The following DLGAP1 variants were observed in gnomAD, a reference collection of about 807,000 sequenced individuals.
DLGAP1 encodes the protein disks large-associated protein 1.
In DLGAP1, 11 loss-of-function variants were observed where a neutral mutation model predicts 90.8. The observed-to-expected ratio is 0.12, with a 90% CI of 0.08 to 0.20. The LOEUF is 0.20. Among genes scored for constraint, DLGAP1 ranks in the 10% least tolerant of loss-of-function variants. The probability of loss-of-function intolerance (pLI) is 1.00; values close to 1 mark genes in which losing one functional copy is unlikely to be tolerated. For missense variants in DLGAP1, 1,050 were observed against 1,333.8 expected, an observed-to-expected ratio of 0.79 and a Z score of 3.31; for synonymous variants, 558 against 540.7, an observed-to-expected ratio of 1.03 and a Z score of -0.44.
chr18:3,990,628 T>TATAATAATAATAATA (rs77930009), intron 3 of DLGAP1, among the ~76,000 whole-genome samples: 5 of 143,262 alleles, frequency 3.5e-5, no homozygotes, highest in African/African-American at 5.1e-5. Flanking sequence ...AAACTTAAAA[T>TATAATAATAATAATA]ATAATAATAA....
At chr18:4,372,846 T>C (rs541314423) in intron 1 of DLGAP1, among the ~76,000 whole-genome samples, 3 of 151,736 alleles carry the variant, frequency 2.0e-5, no homozygotes, top group Admixed American at 2.0e-4. Context: ...GAGAATCACT[T>C]GAACCCAGGA....
chr18:4,152,564 G>A (rs925571058), intron 1 of DLGAP1, among the ~76,000 whole-genome samples: 6 of 152,108 alleles, frequency 3.9e-5, no homozygotes, highest in Non-Finnish European at 7.3e-5. Context: ...AAAAGTTCAG[G>A]GCTAGTACAA....
intron 2 of DLGAP1, among the ~76,000 whole-genome samples, chr18:4,050,093 A>G (rs1441162503): frequency 6.6e-6 from 1 of 152,240 alleles, no homozygotes; most frequent in Non-Finnish European, 1.5e-5. Context: ...AAGTTAAAGA[A>G]ACATTTACAA....
intron 3 of DLGAP1, among the ~76,000 whole-genome samples, chr18:3,920,065 G>A (rs758820736): frequency 5.3e-5 from 8 of 152,078 alleles, no homozygotes; most frequent in Non-Finnish European, 7.4e-5. Context: ...CACTGGGCCC[G>A]GACACAGTGG....
intron 5 of DLGAP1, among the ~76,000 whole-genome samples, chr18:3,805,722 T>C (rs2066530543): frequency 6.6e-6 from 1 of 152,232 alleles, no homozygotes; most frequent in Non-Finnish European, 1.5e-5. Flanking sequence ...TTAGACTCTT[T>C]AGGCTGTAAA....
chr18:3,641,537 C>CAAA (rs576340963), intron 7 of DLGAP1, among the ~76,000 whole-genome samples: 11 of 63,294 alleles, frequency 1.7e-4, no homozygotes, highest in African/African-American at 4.2e-4. Flanking sequence ...AACTCCGTCT[C>CAAA]AAAAAAAAAA....
At chr18:4,283,482 T>C (rs1249993471) in intron 1 of DLGAP1, among the ~76,000 whole-genome samples, 1 of 152,108 alleles carries the variant, frequency 6.6e-6, no homozygotes, top group Non-Finnish European at 1.5e-5. Flanking sequence ...CTGTAAGATA[T>C]ACATATATAT....
intron 2 of DLGAP1, among the ~76,000 whole-genome samples, chr18:4,039,354 T>C (rs2074941499): frequency 6.6e-6 from 1 of 152,148 alleles, no homozygotes; most frequent in African/African-American, 2.4e-5. Flanking sequence ...GGCTCAGCAG[T>C]ACAGCTGCCA....
intron 1 of DLGAP1, among the ~76,000 whole-genome samples, chr18:4,393,772 G>A (rs758285769): frequency 6.6e-6 from 1 of 152,098 alleles, no homozygotes; most frequent in Non-Finnish European, 1.5e-5. Flanking sequence ...TCCACAGACC[G>A]GGGGCAGGGG....
At chr18:4,089,846 C>G (rs958733833) in intron 2 of DLGAP1, among the ~76,000 whole-genome samples, 12 of 152,134 alleles carry the variant, frequency 7.9e-5, no homozygotes, top group Non-Finnish European at 1.6e-4. Flanking sequence ...GAGATCGAGA[C>G]CATCCTGGCT....
chr18:4,338,022 C>T (rs1162721251), intron 1 of DLGAP1, among the ~76,000 whole-genome samples: 1 of 152,102 alleles, frequency 6.6e-6, no homozygotes, highest in Non-Finnish European at 1.5e-5. Flanking sequence ...TAGTTTTTAT[C>T]TCTCTGCTGT....
chr18:4,269,136 C>G (rs1023747582), intron 1 of DLGAP1, among the ~76,000 whole-genome samples: 14 of 151,798 alleles, frequency 9.2e-5, no homozygotes, highest in African/African-American at 3.4e-4. Context: ...TCCATTGCTA[C>G]TTACTGAATT....
chr18:3,672,109 A>G (rs2060105988), intron 7 of DLGAP1, among the ~76,000 whole-genome samples: 1 of 152,124 alleles, frequency 6.6e-6, no homozygotes, highest in African/African-American at 2.4e-5. Flanking sequence ...TTTTTTAATC[A>G]TTGAAAATAA....
chr18:4,238,148 A>T (rs2078457616), intron 1 of DLGAP1, among the ~76,000 whole-genome samples: 2 of 152,136 alleles, frequency 1.3e-5, no homozygotes, highest in South Asian at 4.1e-4. Context: ...TTGTATTTCT[A>T]TTTGTACAAG....
At chr18:4,215,683 G>T (rs761109220) in intron 1 of DLGAP1, among the ~76,000 whole-genome samples, 2 of 152,032 alleles carry the variant, frequency 1.3e-5, no homozygotes, top group Non-Finnish European at 2.9e-5. Context: ...GCATTAATTT[G>T]GGGCATCCTT....
At chr18:4,170,732 A>G (rs1036535691) in intron 1 of DLGAP1, among the ~76,000 whole-genome samples, 7 of 152,194 alleles carry the variant, frequency 4.6e-5, no homozygotes, top group African/African-American at 1.7e-4. Flanking sequence ...TAATCTTTAT[A>G]TAATAATAAC....
chr18:3,646,337 G>A (rs1024237568), intron 7 of DLGAP1, among the ~76,000 whole-genome samples: 8 of 152,010 alleles, frequency 5.3e-5, no homozygotes, highest in Admixed American at 2.6e-4. Flanking sequence ...AGGCTACAGT[G>A]AGCTGAGATT....
chr18:4,344,443 T>G (rs915353751), intron 1 of DLGAP1, among the ~76,000 whole-genome samples: 1 of 152,192 alleles, frequency 6.6e-6, no homozygotes, highest in Admixed American at 6.5e-5. Context: ...TTGAAAATAA[T>G]AGTAATGTCA....
At chr18:3,649,315 C>G (rs562666810) in intron 7 of DLGAP1, among the ~76,000 whole-genome samples, 1 of 152,312 alleles carries the variant, frequency 6.6e-6, no homozygotes, top group African/African-American at 2.4e-5. Flanking sequence ...TGACTTGCCC[C>G]TGGCAGATGC....
Sources: gnomAD v4.1 joint callset for allele counts (sites outside exome capture counted in the v4.1 genomes callset) on GRCh38, gnomAD v4.1.1 for gene constraint, MANE v1.5 for transcripts, NCBI Gene and HGNC (gene_info 2026-07-23, HGNC 2026-07-21) for gene names.